Variants in ACCSL observed in about 807,000 individuals in gnomAD.
ACCSL encodes probable inactive 1-aminocyclopropane-1-carboxylate synthase-like protein 2.
ACCSL carries 55 observed loss-of-function variants against 61.7 expected under a neutral mutation model. The ratio of observed to expected loss-of-function variants is 0.89; its 90% CI spans 0.72 to 1.12. The LOEUF is 1.12. Ranked by LOEUF, ACCSL falls within the 50% of genes most tolerant of loss-of-function variation. The pLI is 0.00. For synonymous variants in ACCSL, 258 were observed against 264.3 expected (o/e 0.98, Z 0.23); for missense variants, 632 against 698.0 (o/e 0.91, Z 1.07).
chr11:44,045,915 G>C (rs937972403), upstream of ACCSL, among the ~76,000 whole-genome samples: 2 of 152,200 alleles, frequency 1.3e-5, no homozygotes, highest in Non-Finnish European at 2.9e-5. Context: ...GGAAGAAGAT[G>C]CCTGGTGACA....
chr11:44,058,637 T>G lies in ACCSL; in HGVS notation c.1562T>G (p.Met521Arg), dbSNP rs772547278. ...TTGTTATCCCGTGGCAAAACCTACA[T>G]GTGTAAGGAGCCAGGCTGGTTCTGC... Reference protein sequence around the residue: ...KLLLSRGKTYMCKEPGWFCLI... With the variant: ...KLLLSRGKTYRCKEPGWFCLI... Residue 521 changes from methionine to arginine, a missense_variant, in exon 13 of 14, where the codon ATG (methionine) becomes AGG (arginine). Met to Arg is a moderately conservative substitution (Grantham distance 91). Coordinates refer to ENST00000378832, the MANE Select transcript of ACCSL (RefSeq NM_001031854.2). 1 of 1,614,080 alleles carries G rather than the reference T, an allele frequency of 6.2e-7. No individual in the cohort carries two copies. Among genetic ancestry groups the G allele is most frequent in the African/African-American group, 1.3e-5 (1 of 74,996 alleles).
chr11:43,966,731 G>C, the ACCSL span, among the ~76,000 whole-genome samples: 1 of 152,120 alleles, frequency 6.6e-6, no homozygotes, highest in African/African-American at 2.4e-5. Context: ...GTCCTTTTAT[G>C]AGTGACTTGA....
the ACCSL span, among the ~76,000 whole-genome samples, chr11:43,934,842 T>C: frequency 6.6e-6 from 1 of 152,178 alleles, no homozygotes; most frequent in African/African-American, 2.4e-5. Flanking sequence ...CACGCCCAGG[T>C]TACCATAGGC....
chr11:44,057,327 T>A (rs1420422205), intron 11 of ACCSL, among the ~76,000 whole-genome samples: 1 of 152,272 alleles, frequency 6.6e-6, no homozygotes, highest in African/African-American at 2.4e-5. Flanking sequence ...ATTTGCTGAT[T>A]TAGAAAACAA....
the ACCSL span, among the ~76,000 whole-genome samples, chr11:43,988,806 C>CTTTT: frequency 6.5e-4 from 63 of 97,236 alleles, 1 homozygote; most frequent in East Asian, 6.9e-3. Flanking sequence ...ATTCTCTCTT[C>CTTTT]TTTTTTTTTT....
chr11:44,010,716 CG>C, the ACCSL span, among the ~76,000 whole-genome samples: 1 of 152,188 alleles, frequency 6.6e-6, no homozygotes, highest in African/African-American at 2.4e-5. Context: ...TGATTTACTT[CG>C]TTCTCCAAAC....
At chr11:43,952,393 C>T in the ACCSL span, among the ~76,000 whole-genome samples, 1 of 152,198 alleles carries the variant, frequency 6.6e-6, no homozygotes, top group Non-Finnish European at 1.5e-5. Context: ...TTCCCAATTT[C>T]TGCCTCCAAA....
chr11:43,926,938 G>T, the ACCSL span, among the ~76,000 whole-genome samples: 3 of 152,280 alleles, frequency 2.0e-5, no homozygotes, highest in Admixed American at 1.3e-4. Flanking sequence ...TGTTGTAGAC[G>T]GTCTTGCCAT....
the ACCSL span, among the ~76,000 whole-genome samples, chr11:43,982,953 C>T: frequency 1.3e-5 from 2 of 152,200 alleles, no homozygotes; most frequent in South Asian, 2.1e-4. Context: ...CCTCGAATCT[C>T]TGTTGCAAGG....
chr11:44,031,365 T>G, the ACCSL span, among the ~76,000 whole-genome samples: 32 of 152,292 alleles, frequency 2.1e-4, no homozygotes, highest in Admixed American at 2.0e-3. Context: ...CTTTGAAGTT[T>G]TCCTTTCCTG....
the ACCSL span, among the ~76,000 whole-genome samples, chr11:43,955,610 TG>T: frequency 6.6e-6 from 1 of 151,888 alleles, no homozygotes; most frequent in African/African-American, 2.4e-5. Context: ...ACAGGACTGG[TG>T]GGTGGGGTTC....
the ACCSL span, among the ~76,000 whole-genome samples, chr11:44,024,425 TTCTC>T: frequency 0.025 from 3,463 of 138,374 alleles, 55 homozygotes; most frequent in South Asian, 0.039. Context: ...CTCTCTCTCT[TTCTC>T]TCTCTCTCTC....
At chr11:43,924,266 G>A in the ACCSL span, among the ~76,000 whole-genome samples, 2 of 152,266 alleles carry the variant, frequency 1.3e-5, no homozygotes, top group African/African-American at 4.8e-5. Flanking sequence ...TGGTCTGGGA[G>A]AGACAGCCCT....
At chr11:43,963,182 G>T in the ACCSL span, among the ~76,000 whole-genome samples, 14 of 152,226 alleles carry the variant, frequency 9.2e-5, no homozygotes, top group Non-Finnish European at 1.9e-4. Flanking sequence ...GAGAAGGGTT[G>T]AGTGTGTTCT....
the ACCSL span, among the ~76,000 whole-genome samples, chr11:44,023,821 C>T: frequency 1.3e-5 from 2 of 152,054 alleles, no homozygotes; most frequent in Non-Finnish European, 2.9e-5. Context: ...ATTTAGTGGT[C>T]TCTCATAAGT....
the ACCSL span, among the ~76,000 whole-genome samples, chr11:43,982,964 G>T: frequency 1.3e-5 from 2 of 152,198 alleles, no homozygotes; most frequent in Non-Finnish European, 2.9e-5. Flanking sequence ...TGTTGCAAGG[G>T]CAGGCCTCCA....
At chr11:43,943,525 C>T in the ACCSL span, 1 of 1,333,924 alleles carries the variant, frequency 7.5e-7, no homozygotes, top group Non-Finnish European at 9.9e-7. The surrounding 1 kb of genome is among the most constrained non-coding windows in gnomAD (Gnocchi z 4.8). Context: ...TAACTCTTCC[C>T]AGTGCGAACT....
chr11:44,017,524 G>A, the ACCSL span, among the ~76,000 whole-genome samples: 1 of 152,172 alleles, frequency 6.6e-6, no homozygotes, highest in Non-Finnish European at 1.5e-5. Flanking sequence ...TGTCCACCTG[G>A]CCTATGGGGG....
chr11:43,995,727 C>T, the ACCSL span, among the ~76,000 whole-genome samples: 3 of 152,046 alleles, frequency 2.0e-5, no homozygotes, highest in Non-Finnish European at 4.4e-5. Context: ...GGAAGGAGGC[C>T]AGCGAGTGCA....
Sources: allele counts gnomAD v4.1 joint callset (sites outside exome capture counted in the v4.1 genomes callset), GRCh38; gene constraint gnomAD v4.1.1; non-coding constraint Gnocchi (gnomAD v3.1); transcripts MANE v1.5; gene names NCBI Gene and HGNC (gene_info 2026-07-23, HGNC 2026-07-21).